Variants in PHACTR1 observed in about 807,000 individuals in gnomAD.
PHACTR1 encodes phosphatase and actin regulator 1.
PHACTR1 carries 16 observed loss-of-function variants against 69.2 expected under a neutral mutation model. The ratio of observed to expected loss-of-function variants is 0.23; its 90% CI spans 0.16 to 0.35. The LOEUF (loss-of-function observed/expected upper bound fraction) is 0.35. Ranked by LOEUF, PHACTR1 falls within the 10% of genes least tolerant of loss-of-function variation. The pLI is 1.00. For synonymous variants in PHACTR1, 312 were observed against 284.5 expected, an observed-to-expected ratio of 1.10 and a Z score of -0.97; for missense variants, 510 against 734.7, an observed-to-expected ratio of 0.69 and a Z score of 3.54.
intron 4 of PHACTR1, among the ~76,000 whole-genome samples, chr6:12,857,047 C>T (rs1780450598): frequency 6.6e-6 from 1 of 152,098 alleles, no homozygotes; most frequent in Non-Finnish European, 1.5e-5. Context: ...AAACAACCAA[C>T]TAAAAAAAGT....
chr6:13,152,471 G>A (rs1004076357), intron 5 of PHACTR1, among the ~76,000 whole-genome samples: 2 of 152,202 alleles, frequency 1.3e-5, no homozygotes, highest in Non-Finnish European at 2.9e-5. Flanking sequence ...AGCATAGACT[G>A]ACATGGTGGC....
At chr6:13,198,381 G>T (rs1016228246) in intron 7 of PHACTR1, among the ~76,000 whole-genome samples, 1 of 152,172 alleles carries the variant, frequency 6.6e-6, no homozygotes, top group Non-Finnish European at 1.5e-5. Flanking sequence ...CCTAAAGGAG[G>T]CAATTAATAA....
At chr6:12,889,209 T>A (rs1783928745) in intron 4 of PHACTR1, among the ~76,000 whole-genome samples, 1 of 152,178 alleles carries the variant, frequency 6.6e-6, no homozygotes, top group Non-Finnish European at 1.5e-5. Context: ...AGATCAAAGC[T>A]GCAATTAGCT....
intron 4 of PHACTR1, among the ~76,000 whole-genome samples, chr6:12,975,307 G>C (rs1380753738): frequency 6.6e-6 from 1 of 152,208 alleles, no homozygotes; most frequent in Non-Finnish European, 1.5e-5. Context: ...TTAATTTGCA[G>C]CTACACGTTA....
At chr6:13,135,811 A>C (rs1821455819) in intron 5 of PHACTR1, among the ~76,000 whole-genome samples, 1 of 152,182 alleles carries the variant, frequency 6.6e-6, no homozygotes, top group African/African-American at 2.4e-5. Flanking sequence ...GCTTGAGCCC[A>C]GAAGTTCAAG....
chr6:13,020,143 G>C (rs1320182401), intron 4 of PHACTR1, among the ~76,000 whole-genome samples: 1 of 152,180 alleles, frequency 6.6e-6, no homozygotes, highest in Non-Finnish European at 1.5e-5. Flanking sequence ...GGAGGCAAAA[G>C]TTGCAATAGA....
At chr6:13,236,204 C>G (rs1031317416) in intron 10 of PHACTR1, among the ~76,000 whole-genome samples, 6 of 152,020 alleles carry the variant, frequency 3.9e-5, no homozygotes, top group Non-Finnish European at 7.4e-5. Context: ...CTCTTGGAAG[C>G]CTGGTCACTT....
Position 13,287,195 on chromosome 6 carries a change from T to C in PHACTR1, c.*117T>C. On this transcript the variant is annotated 3_prime_UTR_variant, in exon 15 of 15. Transcript: ENST00000332995. ...TGTAAATCTTCTGAACTGCCTTTTTTTTAAAAAGAAGAAAAATCAAGGAAA... is the reference window on the plus strand; with the variant it reads ...TGTAAATCTTCTGAACTGCCTTTTTCTTAAAAAGAAGAAAAATCAAGGAAA... 9.5e-7 allele frequency: 1 copy of C among 1,053,166 alleles called. No homozygotes were observed. Among genetic ancestry groups the C allele is most frequent in the East Asian group, 2.8e-5 (1 of 35,554 alleles). The allele number at this position is 1,053,166 out of a possible 1,614,324, so 65.2% of individuals were successfully genotyped here. A position where few individuals can be genotyped will look rare whatever the true frequency, so the allele number is the denominator to read the frequency against.
chr6:13,050,611 C>G (rs1376553190), intron 4 of PHACTR1, among the ~76,000 whole-genome samples: 2 of 152,180 alleles, frequency 1.3e-5, no homozygotes, highest in African/African-American at 2.4e-5. Context: ...TACTGACCCC[C>G]AAATCAAGTC....
Position 12,838,670 on chromosome 6 carries a change from C to G in PHACTR1, c.250+88880C>G, listed in dbSNP as rs115626549. On this transcript the variant is annotated intron_variant, in intron 4 of 14. Coordinates refer to ENST00000332995, the MANE Select transcript of PHACTR1 (RefSeq NM_030948.6). ...ATGTGTTTGGAAAATGATTGCAACT[C>G]TAAATCAATGAGTACAAAAGCACTC... Among the ~76,000 whole-genome samples the G allele has an allele frequency of 6.9e-3, 1,058 of 152,244 alleles. 17 individuals carry two copies. Among genetic ancestry groups the G allele is most frequent in the African/African-American group, 0.024 (1,007 of 41,550 alleles).
At chr6:12,814,722 A>T (rs1581879302) in intron 4 of PHACTR1, among the ~76,000 whole-genome samples, 1 of 152,166 alleles carries the variant, frequency 6.6e-6, no homozygotes, top group East Asian at 1.9e-4. Flanking sequence ...AAAAAGCTAT[A>T]CTCGATACAG....
At chr6:13,123,494 T>C (rs1009808081) in intron 5 of PHACTR1, among the ~76,000 whole-genome samples, 15 of 152,144 alleles carry the variant, frequency 9.9e-5, no homozygotes, top group African/African-American at 3.1e-4. Flanking sequence ...TATATTAAAA[T>C]GGGAACAGGA....
intron 10 of PHACTR1, among the ~76,000 whole-genome samples, chr6:13,252,637 G>A (rs436490): frequency 0.15 from 22,889 of 151,656 alleles, 2,261 homozygotes; most frequent in Admixed American, 0.26. Context: ...AAGTTTTGGG[G>A]GAGAGGAGAG....
intron 8 of PHACTR1, among the ~76,000 whole-genome samples, chr6:13,209,498 A>G (rs1187986305): frequency 6.6e-6 from 1 of 152,208 alleles, no homozygotes; most frequent in Non-Finnish European, 1.5e-5. Flanking sequence ...AATCTCAAAG[A>G]ATGTCACACC....
chr6:12,902,721 T>C (rs1388880785), intron 4 of PHACTR1, among the ~76,000 whole-genome samples: 1 of 152,210 alleles, frequency 6.6e-6, no homozygotes, highest in African/African-American at 2.4e-5. Flanking sequence ...TGGATGATGA[T>C]TGAATGAATC....
intron 4 of PHACTR1, among the ~76,000 whole-genome samples, chr6:12,943,302 A>T (rs1790245872): frequency 6.6e-6 from 1 of 152,242 alleles, no homozygotes; most frequent in African/African-American, 2.4e-5. Flanking sequence ...TGTCCAGAAT[A>T]GGCAAATTCA....
At chr6:13,088,252 A>G (rs1812633879) in intron 5 of PHACTR1, among the ~76,000 whole-genome samples, 2 of 152,040 alleles carry the variant, frequency 1.3e-5, no homozygotes, top group Non-Finnish European at 2.9e-5. Flanking sequence ...GTAATAATAA[A>G]ACATAATATT....
intron 4 of PHACTR1, among the ~76,000 whole-genome samples, chr6:12,990,676 A>T (rs1796720545): frequency 1.3e-5 from 2 of 152,242 alleles, no homozygotes; most frequent in Non-Finnish European, 2.9e-5. Context: ...TCAGGGTGAC[A>T]GCCTTCTGCA....
chr6:13,271,338 G>A (rs1004504727), intron 10 of PHACTR1, among the ~76,000 whole-genome samples: 1 of 152,182 alleles, frequency 6.6e-6, no homozygotes, highest in Non-Finnish European at 1.5e-5. Flanking sequence ...CATTCAACAT[G>A]AGATTTGGGC....
Sources: allele counts gnomAD v4.1 joint callset (sites outside exome capture counted in the v4.1 genomes callset), GRCh38; gene constraint gnomAD v4.1.1; transcripts MANE v1.5; gene names NCBI Gene and HGNC (gene_info 2026-07-23, HGNC 2026-07-21).